Variants in MYL5 observed in about 807,000 individuals in gnomAD.
MYL5 encodes myosin light chain 5, also known as myosin regulatory light chain 5.
Under a neutral mutation model 20.8 loss-of-function variants are expected in MYL5, and 28 were observed. The ratio of observed to expected loss-of-function variants is 1.35; its 90% CI spans 1.00 to 1.84. The LOEUF (loss-of-function observed/expected upper bound fraction) is 1.84. MYL5 is among the 40% of genes most tolerant of loss of function. The probability of loss-of-function intolerance (pLI) is 0.00; values close to 1 mark genes in which losing one functional copy is unlikely to be tolerated. For synonymous variants in MYL5, 118 were observed against 87.4 expected (o/e 1.35, Z -1.95); for missense variants, 274 against 227.3 (o/e 1.21, Z -1.32).
chr4:680,926 C>T, intron 5 of MYL5, 166 bp from the exon 8 acceptor site: 1 of 772,240 alleles, frequency 1.3e-6, no homozygotes, highest in Non-Finnish European at 2.1e-6. Context: ...AGTGATGGCC[C>T]CTGAGTGTGT....
intron 3 of MYL5, 93 bp from the exon 6 acceptor site, chr4:679,821 C>T: frequency 9.5e-7 from 1 of 1,055,114 alleles, no homozygotes; most frequent in Non-Finnish European, 1.4e-6. Flanking sequence ...CCACCCTTCC[C>T]ATCTGCCTGC....
intron 1 of MYL5, chr4:678,286 AG>A: frequency 6.9e-7 from 1 of 1,440,970 alleles, no homozygotes. Flanking sequence ...GAGCAGGATG[AG>A]GGGGTTCCTG....
At chr4:677,920 A>G (rs1739007776), upstream of MYL5, 2 of 1,591,378 alleles carry the variant, frequency 1.3e-6, no homozygotes, top group African/African-American at 2.7e-5. Context: ...CTGTCCTTGT[A>G]GGGAGTGGCA....
At chr4:678,383 TG>T in intron 1 of MYL5, 1 of 1,414,338 alleles carries the variant, frequency 7.1e-7, no homozygotes, top group Admixed American at 2.9e-5. Flanking sequence ...TGGCTCCTGC[TG>T]GACGGCGATC....
intron 3 of MYL5, 104 bp downstream of exon 5, chr4:679,137 C>A: frequency 1.2e-6 from 1 of 865,686 alleles, no homozygotes; most frequent in Non-Finnish European, 1.6e-6. Context: ...CCAGGGCCCG[C>A]GCCTCAGAGG....
chr4:681,779 G>GCCCCTCCCCGCTC (rs1413850129), intron 6 of MYL5, 114 bp from the exon 9 acceptor site: 9 of 1,221,296 alleles, frequency 7.4e-6, no homozygotes, highest in Admixed American at 8.7e-5. Context: ...CCGCACCCGG[G>GCCCCTCCCCGCTC]CCCCTCCCCG....
chr4:678,798 C>T, intron 2 of MYL5, 33 bp downstream of exon 4: 2 of 1,607,726 alleles, frequency 1.2e-6, no homozygotes, highest in Non-Finnish European at 8.5e-7. Context: ...GGAGCCCCCA[C>T]CCCCAGGAGC....
intron 3 of MYL5, chr4:679,303 G>T (rs1739202172): frequency 2.6e-6 from 1 of 381,654 alleles, no homozygotes; most frequent in South Asian, 2.8e-5. Flanking sequence ...CCAGGGAGGG[G>T]CTGACTCTCT....
chr4:674,795 C>A, upstream of MYL5: 1 of 157,056 alleles, frequency 6.4e-6, no homozygotes, highest in Non-Finnish European at 1.4e-5. Flanking sequence ...CAGGTGGCTC[C>A]CCGGGCAGGT....
At chr4:680,771 G>T in intron 5 of MYL5, 184 bp downstream of exon 7, 2 of 677,034 alleles carry the variant, frequency 3.0e-6, no homozygotes, top group East Asian at 5.5e-5. Flanking sequence ...CTCACACAGG[G>T]ACCAGCGCCT....
intron 5 of MYL5, 105 bp from the exon 8 acceptor site, chr4:680,987 T>C: frequency 2.4e-6 from 3 of 1,250,140 alleles, no homozygotes; most frequent in Non-Finnish European, 3.4e-6. Flanking sequence ...AGGGCGGGAG[T>C]GCAGTGAGCG....
chr4:681,697 GCCGCCCCGCCCCCTC>G (rs1560157950), intron 6 of MYL5, 181 bp from the exon 9 acceptor site: 2 of 43,624 alleles, frequency 4.6e-5, no homozygotes, highest in African/African-American at 2.1e-4. Flanking sequence ...CCCCTCCAGC[GCCGCCCCGCCCCCTC>G]CAGCGCCGCC....
At position 678,133 on chromosome 4, in the gene MYL5, G is replaced by A. The variant is rs965804303; in HGVS notation, c.3+104G>A. ...AGCGTGGGCGTGTCCGTGCTTGCGT[G>A]TGAATGCAGGTGTGGGCGTGTGCTC... On this transcript the variant is annotated intron_variant, in intron 1 of 6. Transcript: ENST00000400159. 72 of 1,560,398 alleles carry A rather than the reference G, an allele frequency of 4.6e-5. 1 individual carries two copies. In the South Asian group the frequency reaches 8.3e-4, roughly 18 times the overall value.
chr4:678,065 G>C, intron 1 of MYL5, 36 bp downstream of exon 3: 1 of 1,611,668 alleles, frequency 6.2e-7, no homozygotes, highest in Non-Finnish European at 8.5e-7. Context: ...GGGCAGGCGT[G>C]TGGGTGTGAG....
At chr4:680,090 A>T in intron 4 of MYL5, 72 bp downstream of exon 6, 1 of 1,349,992 alleles carries the variant, frequency 7.4e-7, no homozygotes, top group Non-Finnish European at 1.0e-6. Flanking sequence ...CATTTCACGT[A>T]AAAATCTCTC....
rs563986330 is a variant in MYL5, at chr4:678,192, G to A, written c.3+163G>A. The stretch of plus-strand genomic sequence containing the variant: ...TATGTGTGTGCATGAGCGTGTGTAT[G>A]TGCGTGTGTGTGACCTTGCGGGTGT... On this transcript the variant is annotated intron_variant, in intron 1 of 6. Transcript: ENST00000400159. The A allele has an allele frequency of 3.1e-5, 48 of 1,526,134 alleles. No individual in the cohort carries two copies. In the African/African-American group the frequency reaches 6.3e-4, roughly 20 times the overall value. The allele number at this position is 1,526,134 out of a possible 1,614,324, so 94.5% of individuals were successfully genotyped here.
chr4:680,849 G>A (rs1045633630), intron 5 of MYL5: 10 of 633,894 alleles, frequency 1.6e-5, no homozygotes, highest in Admixed American at 1.5e-4. Context: ...GCTAGGCGCC[G>A]GGGAAAGTAC....
Position 681,216 on chromosome 4 carries a change from G to C in MYL5, c.420+76G>C, listed in dbSNP as rs946031517. ...CGGGGTCAGCTGGGTGGAGGGGGAC[G>C]CGGAGCCCGAGGAGCAGCGCCGCGG... is the stretch of plus-strand genomic sequence containing the variant. On this transcript the variant is annotated intron_variant, in intron 6 of 6. Transcript: ENST00000400159. 62 of 1,529,080 alleles carry C rather than the reference G, an allele frequency of 4.1e-5. 1 individual carries two copies. The South Asian group carries it at 6.9e-4, about 17-fold the overall frequency. 94.7% of individuals were successfully genotyped at this position (1,529,080 alleles called of 1,614,324 possible). A position where few individuals can be genotyped will look rare whatever the true frequency, so the allele number is the denominator to read the frequency against.
chr4:678,746 A>C, exon 2 of MYL5: 1 of 1,611,272 alleles, frequency 6.2e-7, no homozygotes, highest in Non-Finnish European at 8.5e-7. Context: ...GAGCAGACTC[A>C]GATCCAGGAG....
Sources: allele counts gnomAD v4.1 joint callset, GRCh38; gene constraint gnomAD v4.1.1; transcripts MANE v1.5; gene names NCBI Gene and HGNC (gene_info 2026-07-23, HGNC 2026-07-21).